Variants in HERC2 observed in about 807,000 individuals in gnomAD.
The protein encoded by HERC2 is HECT and RLD domain containing E3 ubiquitin protein ligase 2.
A neutral mutation model predicts 537.7 loss-of-function variants in HERC2; 102 were observed. The ratio of observed to expected loss-of-function variants is 0.19; its 90% CI spans 0.16 to 0.22. HERC2 has a LOEUF of 0.22. Among genes scored for constraint, HERC2 ranks in the 10% least tolerant of loss-of-function variants. HERC2 has a pLI of 1.00. For synonymous variants in HERC2, 2,224 were observed against 2,466.2 expected (o/e 0.90, Z 2.91); for missense variants, 4,236 against 6,198.2 (o/e 0.68, Z 10.63).
At chr15:28,144,909 A>G (rs1379772192) in intron 71 of HERC2, 105 bp from the exon 72 acceptor site, 3 of 1,447,262 alleles carry the variant, frequency 2.1e-6, no homozygotes, top group Non-Finnish European at 2.8e-6. Flanking sequence ...TGTGAAGAGC[A>G]AGTTCCTCCA....
rs745742003 is a variant in HERC2, at chr15:28,201,517, T to C, written c.7655A>G (p.Lys2552Arg). The C allele has an allele frequency of 1.2e-6, 2 of 1,613,826 alleles. No individual in the cohort carries two copies. Among genetic ancestry groups the C allele is most frequent in the Non-Finnish European group, 1.7e-6 (2 of 1,179,682 alleles). ...GAVVTESQTY[K>R]KRADFLSNDD... ...ATTACTCAAGAAATCAGCTCGTTTT[T>C]TGTACGTCTGGCTCTCCGTCACAAC... Residue 2552 changes from lysine to arginine, a missense_variant, in exon 48 of 93, where the codon AAA becomes AGA. Around this residue, in one of 27 missense-constraint regions of HERC2, gnomAD observed 606 missense variants for 884.5 expected, o/e 0.69. Transcript: ENST00000261609.
intron 5 of HERC2, among the ~76,000 whole-genome samples, chr15:28,275,816 T>C (rs1316057206): frequency 6.6e-6 from 1 of 151,094 alleles, no homozygotes; most frequent in African/African-American, 2.4e-5. Flanking sequence ...TAAAAATGCA[T>C]ATATAATCTC....
intron 4 of HERC2, among the ~76,000 whole-genome samples, chr15:28,290,411 A>G (rs529374818): frequency 7.2e-5 from 11 of 152,142 alleles, no homozygotes; most frequent in South Asian, 2.1e-4. Context: ...TGTATGTTTC[A>G]TAGAGACAGG....
chr15:28,248,429 A>C, intron 21 of HERC2, 123 bp downstream of exon 21: 1 of 640,584 alleles, frequency 1.6e-6, no homozygotes. Context: ...ATGAAGCCCC[A>C]AAATTGGTGC....
chr15:28,179,918 T>C lies in HERC2; in HGVS notation c.8938-695A>G, dbSNP rs1306457204. On this transcript the variant is annotated intron_variant, in intron 57 of 92. Coordinates refer to ENST00000261609, the MANE Select transcript of HERC2 (RefSeq NM_004667.6). ...AAGTATTATTACAAGAGTCAAAAAG[T>C]TTTTTAAAAAGTGAAAAGTTCATAA... Among the ~76,000 whole-genome samples the C allele has an allele frequency of 2.0e-5, 3 of 152,174 alleles. No individual in the cohort carries two copies. In the East Asian group the frequency reaches 5.8e-4, roughly 29 times the overall value.
At chr15:28,211,659 G>C (rs1340100536) in intron 43 of HERC2, among the ~76,000 whole-genome samples, 1 of 151,984 alleles carries the variant, frequency 6.6e-6, no homozygotes, top group Non-Finnish European at 1.5e-5. Flanking sequence ...TCAACTAACT[G>C]GCAGACAGGT....
In HERC2 at chr15:28,132,679, T is replaced by C; in HGVS notation, c.12382A>G (p.Ser4128Gly). The C allele has an allele frequency of 1.3e-6, 2 of 1,574,096 alleles. No homozygotes were observed. The highest frequency in any genetic ancestry group is 1.7e-6 in the Non-Finnish European group (2 of 1,159,236). The change falls in exon 80 of 93, where the codon AGT (serine) becomes GGT (glycine). Residue 4128 changes from serine (S) to glycine (G), a missense_variant. Physicochemically the swap from Ser to Gly is moderately conservative, Grantham distance 56 (BLOSUM62 0). Coordinates refer to ENST00000261609, the MANE Select transcript of HERC2 (RefSeq NM_004667.6). The part of the protein sequence containing the change: ...GRYGRLGHSD[S>G]EDQLKPKLVE... ...AGCTTCGGCTTCAGCTGGTCCTCAC[T>C]GTCGCTGTGCCCCAGCCGGCCGTAG...
At chr15:28,209,565 G>T (rs183918710) in intron 44 of HERC2, among the ~76,000 whole-genome samples, 1 of 152,016 alleles carries the variant, frequency 6.6e-6, no homozygotes, top group Non-Finnish European at 1.5e-5. Flanking sequence ...GGATGGTCTC[G>T]ATCTCCTGAC....
At chr15:28,118,908 G>C (rs1271611487) in intron 86 of HERC2, among the ~76,000 whole-genome samples, 1 of 152,228 alleles carries the variant, frequency 6.6e-6, no homozygotes, top group Admixed American at 6.5e-5. Flanking sequence ...CCGTGGCTGA[G>C]CCAGAGCAGC....
At chr15:28,314,739 T>A (rs1455384591) in intron 2 of HERC2, among the ~76,000 whole-genome samples, 1 of 151,810 alleles carries the variant, frequency 6.6e-6, no homozygotes, top group African/African-American at 2.4e-5. Flanking sequence ...TACACGCCTG[T>A]AATCCCAGCT....
At chr15:28,282,942 G>A (rs1326651584) in intron 4 of HERC2, among the ~76,000 whole-genome samples, 14 of 149,512 alleles carry the variant, frequency 9.4e-5, no homozygotes, top group Admixed American at 1.3e-4. Flanking sequence ...GGGAAGGGAC[G>A]GGAAGGGATG....
intron 83 of HERC2, among the ~76,000 whole-genome samples, chr15:28,126,718 T>C (rs1356204229): frequency 6.6e-6 from 1 of 151,928 alleles, no homozygotes; most frequent in African/African-American, 2.4e-5. Context: ...GGGGAAAGGG[T>C]AGGAGAGGAG....
At chr15:28,281,372 T>C (rs973818608) in intron 4 of HERC2, among the ~76,000 whole-genome samples, 1 of 152,180 alleles carries the variant, frequency 6.6e-6, no homozygotes, top group South Asian at 2.1e-4. Context: ...CAGCTCCCAG[T>C]GGCGAGGTGA....
chr15:28,130,794 C>T (rs562688501), intron 81 of HERC2, among the ~76,000 whole-genome samples, 200 bp from the exon 82 acceptor site: 4 of 152,306 alleles, frequency 2.6e-5, no homozygotes, highest in Admixed American at 2.6e-4. Context: ...ACAGCACACC[C>T]GTTGGCACAC....
chr15:28,238,481 A>G, intron 24 of HERC2, 121 bp downstream of exon 24: 4 of 784,278 alleles, frequency 5.1e-6, no homozygotes, highest in Non-Finnish European at 8.3e-6. Context: ...TCGAAGCCAC[A>G]GATACATTAA....
Position 28,233,574 on chromosome 15 carries a change from AT to A in HERC2, c.4352-14del. The A allele has an allele frequency of 6.2e-7, 1 of 1,613,798 alleles. No individual in the cohort carries two copies. Among genetic ancestry groups the A allele is most frequent in the Non-Finnish European group, 8.5e-7 (1 of 1,179,694 alleles). The stretch of plus-strand genomic sequence containing the variant: ...AATGCCACATGACCTGTAAAAAGAC[AT>A]TTAAAAGAAGGGCAGGGATGAATAT... On this transcript the variant is annotated splice_polypyrimidine_tract_variant and intron_variant, in intron 28 of 92. Transcript: ENST00000261609.
intron 2 of HERC2, among the ~76,000 whole-genome samples, chr15:28,301,733 GTGTATATATA>G (rs1281298827): frequency 0.015 from 456 of 30,886 alleles, 15 homozygotes; most frequent in African/African-American, 0.034. Flanking sequence ...TTGTATGTAT[GTGTATATATA>G]TATATATATA....
At chr15:28,197,291 T>G (rs1897437650) in intron 50 of HERC2, among the ~76,000 whole-genome samples, 1 of 152,234 alleles carries the variant, frequency 6.6e-6, no homozygotes, top group Non-Finnish European at 1.5e-5. Flanking sequence ...CATACTTATT[T>G]CTCATGCAAC....
At chr15:28,259,152 T>C (rs893664843) in intron 16 of HERC2, among the ~76,000 whole-genome samples, 2 of 152,212 alleles carry the variant, frequency 1.3e-5, no homozygotes, top group East Asian at 3.9e-4. Flanking sequence ...TGGAGTGCAA[T>C]GGCGCCATCC....
Sources: allele counts gnomAD v4.1 joint callset (sites outside exome capture counted in the v4.1 genomes callset), GRCh38; gene constraint gnomAD v4.1.1; regional missense constraint gnomAD v4.1.1; transcripts MANE v1.5; gene names NCBI Gene and HGNC (gene_info 2026-07-23, HGNC 2026-07-21).